CDH18: variants seen among roughly 807,000 people sequenced by gnomAD.
CDH18 encodes the protein cadherin 18, also known as cadherin-18.
A neutral mutation model predicts 67.9 loss-of-function variants in CDH18; 31 were observed. That is an observed-to-expected ratio of 0.46 (90% CI 0.34 to 0.62). The LOEUF is 0.62. Ranked by LOEUF, CDH18 falls within the 20% of genes least tolerant of loss-of-function variation. CDH18 has a pLI of 0.01. For synonymous variants in CDH18, 362 were observed against 347.2 expected, an observed-to-expected ratio of 1.04 and a Z score of -0.48; for missense variants, 890 against 975.5, an observed-to-expected ratio of 0.91 and a Z score of 1.17.
chr5:20,450,024 G>T (rs1046382632), intron 1 of CDH18, among the ~76,000 whole-genome samples: 1 of 151,554 alleles, frequency 6.6e-6, no homozygotes, highest in African/African-American at 2.4e-5. Flanking sequence ...ATGTGTGTGT[G>T]TGTTATGTAC....
intron 8 of CDH18, among the ~76,000 whole-genome samples, chr5:19,565,878 T>C (rs184531124): frequency 2.6e-4 from 39 of 152,146 alleles, no homozygotes; most frequent in African/African-American, 8.9e-4. Flanking sequence ...TGGGATCACA[T>C]CGAGTTAAAA....
chr5:19,543,781 A>G (rs904088732), intron 9 of CDH18, 88 bp downstream of exon 9: 84 of 873,938 alleles, frequency 9.6e-5, no homozygotes, highest in Non-Finnish European at 1.4e-4. Context: ...TCAAAAATAA[A>G]GATTATGAGA....
At chr5:20,276,547 T>C (rs756566061) in intron 1 of CDH18, among the ~76,000 whole-genome samples, 1 of 152,170 alleles carries the variant, frequency 6.6e-6, no homozygotes, top group Non-Finnish European at 1.5e-5. Flanking sequence ...CAGCCAAGAA[T>C]TACTCATTGT....
At chr5:20,334,737 C>A (rs1402316751) in intron 1 of CDH18, among the ~76,000 whole-genome samples, 2,145 of 135,174 alleles carry the variant, frequency 0.016, 44 homozygotes, top group East Asian at 0.11. Flanking sequence ...TGATCTCTCT[C>A]TCTCTCTCTC....
intron 3 of CDH18, among the ~76,000 whole-genome samples, chr5:19,779,649 C>T (rs1774862069): frequency 2.0e-5 from 3 of 152,082 alleles, no homozygotes; most frequent in African/African-American, 7.2e-5. Context: ...ATGTCCTGTA[C>T]CAAAGTTGCA....
chr5:20,348,338 C>G (rs1740880316), intron 1 of CDH18, among the ~76,000 whole-genome samples: 1 of 152,122 alleles, frequency 6.6e-6, no homozygotes, highest in Admixed American at 6.5e-5. Flanking sequence ...TAGACAATTA[C>G]AATACAAGAG....
chr5:19,564,673 C>T (rs565930361), intron 8 of CDH18, among the ~76,000 whole-genome samples: 134 of 152,082 alleles, frequency 8.8e-4, no homozygotes, highest in African/African-American at 3.0e-3. Context: ...TGCTCAAGGA[C>T]GGGAAAGGGA....
chr5:19,582,123 A>T (rs940788612), intron 7 of CDH18, among the ~76,000 whole-genome samples: 1 of 152,036 alleles, frequency 6.6e-6, no homozygotes, highest in African/African-American at 2.4e-5. Context: ...ACATTATATT[A>T]TACAGAAAGT....
At chr5:20,483,653 CAA>C (rs61319784) in intron 1 of CDH18, among the ~76,000 whole-genome samples, 2,005 of 128,948 alleles carry the variant, frequency 0.016, 54 homozygotes, top group African/African-American at 0.051. Context: ...AGAAAGTTGC[CAA>C]AAAAAAAAAA....
chr5:19,798,739 T>C (rs1777114007), intron 3 of CDH18, among the ~76,000 whole-genome samples: 2 of 152,190 alleles, frequency 1.3e-5, no homozygotes, highest in Admixed American at 1.3e-4. Flanking sequence ...AAGCTTAGTG[T>C]TTTTATTCCG....
At chr5:19,711,393 AACT>A (rs967867609) in intron 5 of CDH18, among the ~76,000 whole-genome samples, 2 of 151,398 alleles carry the variant, frequency 1.3e-5, no homozygotes, top group African/African-American at 4.9e-5. Context: ...ACAACTCATA[AACT>A]ACAACAACAA....
At chr5:19,591,755 C>T (rs975063059) in intron 6 of CDH18, among the ~76,000 whole-genome samples, 2 of 151,828 alleles carry the variant, frequency 1.3e-5, no homozygotes, top group East Asian at 1.9e-4. Context: ...CAGTCATGTC[C>T]GAGAACGTGA....
intron 1 of CDH18, among the ~76,000 whole-genome samples, chr5:20,382,270 C>T (rs1161785449): frequency 6.6e-6 from 1 of 152,110 alleles, no homozygotes; most frequent in African/African-American, 2.4e-5. Flanking sequence ...TGGCATTTTT[C>T]TTAACATTTA....
intron 11 of CDH18, among the ~76,000 whole-genome samples, chr5:19,489,164 A>G (rs1019293921): frequency 2.0e-5 from 3 of 152,098 alleles, no homozygotes; most frequent in Non-Finnish European, 4.4e-5. Flanking sequence ...CACCTAGTAT[A>G]TAGAAAAATT....
chr5:20,269,138 C>T (rs113393686), intron 1 of CDH18, among the ~76,000 whole-genome samples: 279 of 152,176 alleles, frequency 1.8e-3, no homozygotes, highest in African/African-American at 6.5e-3. Context: ...AAATGCTCAA[C>T]GTCACTAATC....
intron 8 of CDH18, among the ~76,000 whole-genome samples, chr5:19,565,542 A>C (rs1740233470): frequency 6.6e-6 from 1 of 152,206 alleles, no homozygotes; most frequent in African/African-American, 2.4e-5. Context: ...GACTTAGATA[A>C]TAACACCCAA....
At chr5:19,492,100 A>C (rs1311165878) in intron 11 of CDH18, among the ~76,000 whole-genome samples, 1 of 152,220 alleles carries the variant, frequency 6.6e-6, no homozygotes, top group Non-Finnish European at 1.5e-5. Flanking sequence ...AATGTAAAAG[A>C]CAAATTAAAT....
intron 2 of CDH18, among the ~76,000 whole-genome samples, chr5:20,071,098 C>T (rs1743441913): frequency 6.6e-6 from 1 of 152,100 alleles, no homozygotes; most frequent in South Asian, 2.1e-4. Context: ...AGGTGCAAAT[C>T]ACTAACCTAA....
intron 2 of CDH18, among the ~76,000 whole-genome samples, chr5:20,132,484 T>C (rs1351109696): frequency 2.6e-5 from 4 of 152,122 alleles, no homozygotes; most frequent in Non-Finnish European, 5.9e-5. Flanking sequence ...TATTCAAATT[T>C]TGTTGTTGTT....
Sources: allele counts gnomAD v4.1 joint callset (sites outside exome capture counted in the v4.1 genomes callset), GRCh38; gene constraint gnomAD v4.1.1; transcripts MANE v1.5; gene names NCBI Gene and HGNC (gene_info 2026-07-23, HGNC 2026-07-21).